Variants in PALLD observed in about 807,000 individuals in gnomAD.
PALLD encodes the protein palladin.
Under a neutral mutation model 123.5 loss-of-function variants are expected in PALLD, and 61 were observed. The observed-to-expected ratio is 0.49, with a 90% confidence interval of 0.40 to 0.61. PALLD has a LOEUF of 0.61. Among genes scored for constraint, PALLD ranks in the 20% least tolerant of loss-of-function variants. PALLD has a pLI of 0.00. For synonymous variants in PALLD, 465 were observed against 496.4 expected (o/e 0.94, Z 0.84); for missense variants, 1,273 against 1,377.0 (o/e 0.92, Z 1.20).
At chr4:168,594,033 G>A (rs538339576) in intron 2 of PALLD, among the ~76,000 whole-genome samples, 10 of 152,024 alleles carry the variant, frequency 6.6e-5, no homozygotes, top group African/African-American at 2.4e-4. Flanking sequence ...CTTGGTTTTC[G>A]GTGTAGCATT....
intron 10 of PALLD, among the ~76,000 whole-genome samples, chr4:168,717,541 G>A (rs1004324240): frequency 2.0e-5 from 3 of 151,992 alleles, no homozygotes; most frequent in African/African-American, 7.3e-5. Context: ...AGTAGAGACC[G>A]GGTTTCACCA....
At chr4:168,523,318 C>T (rs1239474284) in intron 2 of PALLD, among the ~76,000 whole-genome samples, 1 of 151,880 alleles carries the variant, frequency 6.6e-6, no homozygotes, top group African/African-American at 2.4e-5. Context: ...AGAAAACTCT[C>T]ATCTGAAGAT....
chr4:168,503,644 C>T (rs1370859010), intron 1 of PALLD, among the ~76,000 whole-genome samples: 1 of 105,270 alleles, frequency 9.5e-6, no homozygotes, highest in Non-Finnish European at 1.8e-5. Flanking sequence ...GAGACTCCAT[C>T]TCAAAAAAAA....
At chr4:168,831,550 T>A (rs80127544) in intron 10 of PALLD, among the ~76,000 whole-genome samples, 47 of 152,186 alleles carry the variant, frequency 3.1e-4, no homozygotes, top group Non-Finnish European at 5.9e-4. Context: ...CGATTTAATG[T>A]CACACAATCG....
At position 168,905,202 on chromosome 4, in the gene PALLD, A is replaced by G. The variant is rs376087600; in HGVS notation, c.2622+1296A>G. Among the ~76,000 whole-genome samples the G allele has an allele frequency of 1.1e-3, 148 of 129,934 alleles. No homozygotes were observed. In the East Asian group the frequency reaches 0.027, roughly 24 times the overall value. 85.2% of individuals were successfully genotyped at this position (129,934 alleles called of 152,430 possible). A position where few individuals can be genotyped will look rare whatever the true frequency, so the allele number is the denominator to read the frequency against. ...ATCTCACTCTGTCGCCCAGGCTGGA[A>G]TGCAGTGGCGCGATCTCGGCTCACT... On this transcript the variant is annotated intron_variant, in intron 15 of 21. Transcript: ENST00000505667.
rs185320736 is a variant in PALLD, at chr4:168,714,770, G to A, written c.1964+2847G>A. Among the ~76,000 whole-genome samples, 571 of 151,800 alleles carry A rather than the reference G, an allele frequency of 3.8e-3. 3 individuals carry two copies. The highest frequency in any genetic ancestry group is 6.8e-3 in the Non-Finnish European group (464 of 67,952). On this transcript the variant is annotated intron_variant, in intron 10 of 21. Transcript: ENST00000505667. ...ACAATTCGGAGGGCGCAAGTAATAGGAACTAAAATATTTACTCTCACAATG... is the reference window on the plus strand; with the variant it reads ...ACAATTCGGAGGGCGCAAGTAATAGAAACTAAAATATTTACTCTCACAATG...
chr4:168,914,548 A>T (rs2151414205), intron 16 of PALLD, among the ~76,000 whole-genome samples: 1 of 152,352 alleles, frequency 6.6e-6, no homozygotes, highest in African/African-American at 2.4e-5. Context: ...AGCAATAGAG[A>T]TGCTTTCCAT....
At chr4:168,587,541 C>T (rs1460315969) in intron 2 of PALLD, among the ~76,000 whole-genome samples, 2 of 152,142 alleles carry the variant, frequency 1.3e-5, no homozygotes, top group South Asian at 2.1e-4. Context: ...CTAGGGAGAG[C>T]GGATGTGAAG....
At chr4:168,586,770 T>C (rs1770862859) in intron 2 of PALLD, among the ~76,000 whole-genome samples, 1 of 152,144 alleles carries the variant, frequency 6.6e-6, no homozygotes, top group African/African-American at 2.4e-5. Context: ...TTAGAGGTCT[T>C]TCAAACCCTT....
rs530363461 is a variant in PALLD, at chr4:168,740,189, G to A, written c.1964+28266G>A. Among the ~76,000 whole-genome samples, 6 of 152,216 alleles carry A rather than the reference G, an allele frequency of 3.9e-5. No individual in the cohort carries two copies. The South Asian group carries it at 1.2e-3, about 32-fold the overall frequency. On this transcript the variant is annotated intron_variant, in intron 10 of 21. Transcript: ENST00000505667. Reference sequence around the variant, plus strand: ...TAATCATCACATGGTTTCAAGCACTGGGAAACATCTTAAAAGATGCTTTAA... The same window carrying A: ...TAATCATCACATGGTTTCAAGCACTAGGAAACATCTTAAAAGATGCTTTAA...
At chr4:168,800,246 A>G (rs954737) in intron 10 of PALLD, among the ~76,000 whole-genome samples, 139,808 of 152,222 alleles carry the variant, frequency 0.92, 64,251 homozygotes, top group Middle Eastern at 0.95. Context: ...TAAAGGAAAA[A>G]TTTGATAAGT....
Position 168,898,488 on chromosome 4 carries a change from T to C in PALLD, c.2251-5T>C. On this transcript the variant is annotated splice_polypyrimidine_tract_variant and splice_region_variant and intron_variant, in intron 13 of 21. Coordinates refer to ENST00000505667, the MANE Select transcript of PALLD (RefSeq NM_001166108.2). The stretch of plus-strand genomic sequence containing the variant: ...GTCTGCTAACTTAAACTTTCCTTGA[T>C]TCAGGAATACAAAGTCTCCAGCTGT... 1.2e-6 allele frequency: 2 copies of C among 1,601,512 alleles called. No individual in the cohort carries two copies. Among genetic ancestry groups the C allele is most frequent in the Non-Finnish European group, 1.7e-6 (2 of 1,168,526 alleles).
At chr4:168,522,411 A>G (rs532619414) in intron 2 of PALLD, among the ~76,000 whole-genome samples, 51 of 152,378 alleles carry the variant, frequency 3.3e-4, no homozygotes, top group Middle Eastern at 3.4e-3. Flanking sequence ...TATGCAAACT[A>G]GTATCAAATA....
chr4:168,781,788 A>C (rs1289629612), intron 10 of PALLD, among the ~76,000 whole-genome samples: 3 of 152,196 alleles, frequency 2.0e-5, no homozygotes, highest in African/African-American at 7.2e-5. Flanking sequence ...CCGGAACAAG[A>C]CTGGACCAAA....
At chr4:168,812,045 G>GC (rs1158384620) in intron 10 of PALLD, among the ~76,000 whole-genome samples, 1 of 152,130 alleles carries the variant, frequency 6.6e-6, no homozygotes, top group Non-Finnish European at 1.5e-5. Context: ...AAAGTATAAA[G>GC]CAGGACATCA....
intron 10 of PALLD, among the ~76,000 whole-genome samples, chr4:168,794,338 T>C (rs1482567894): frequency 6.6e-6 from 1 of 152,318 alleles, no homozygotes; most frequent in Non-Finnish European, 1.5e-5. Context: ...AGGGGTCCTC[T>C]TGAGGCCCTC....
chr4:168,846,853 C>T lies in PALLD; in HGVS notation c.1965-44069C>T, dbSNP rs562446186. Among the ~76,000 whole-genome samples, 4 of 152,326 alleles carry T rather than the reference C, an allele frequency of 2.6e-5. No individual in the cohort carries two copies. The South Asian group carries it at 8.3e-4, about 32-fold the overall frequency. On this transcript the variant is annotated intron_variant, in intron 10 of 21. Transcript: ENST00000505667. ...CCAGTGGGTACCAGGACATCCATTT[C>T]TTACCCACTACTAGAAATAAGCAAT...
intron 5 of PALLD, among the ~76,000 whole-genome samples, chr4:168,683,701 C>T (rs1781767180): frequency 6.6e-6 from 1 of 152,048 alleles, no homozygotes. Flanking sequence ...AAAACCATTA[C>T]ATCTGGATGT....
At chr4:168,630,922 A>G (rs1384584573) in intron 2 of PALLD, among the ~76,000 whole-genome samples, 1 of 152,232 alleles carries the variant, frequency 6.6e-6, no homozygotes, top group Non-Finnish European at 1.5e-5. Flanking sequence ...CTGTGTGGTA[A>G]CTGAGTCACT....
Sources: allele counts gnomAD v4.1 joint callset (sites outside exome capture counted in the v4.1 genomes callset), GRCh38; gene constraint gnomAD v4.1.1; transcripts MANE v1.5; gene names NCBI Gene and HGNC (gene_info 2026-07-23, HGNC 2026-07-21).